XRCC5: variants seen among roughly 807,000 people sequenced by gnomAD.
XRCC5 encodes the protein DNA repair protein Ku80.
XRCC5 carries 12 observed loss-of-function variants against 95.7 expected under a neutral mutation model. The ratio of observed to expected loss-of-function variants is 0.13; its 90% confidence interval spans 0.08 to 0.20. The LOEUF (loss-of-function observed/expected upper bound fraction) is 0.20, where lower values mean the gene tolerates loss of function less well. Among genes scored for constraint, XRCC5 ranks in the 10% least tolerant of loss-of-function variants. XRCC5 has a pLI of 1.00. For synonymous variants in XRCC5, 281 were observed against 290.3 expected (o/e 0.97, Z 0.33); for missense variants, 595 against 873.9 (o/e 0.68, Z 4.02).
chr2:216,146,796 T>G (rs1207011612), intron 13 of XRCC5, among the ~76,000 whole-genome samples: 1 of 152,172 alleles, frequency 6.6e-6, no homozygotes, highest in African/African-American at 2.4e-5. Context: ...CTGGCCTTGA[T>G]CTTGGCGCCC....
chr2:216,184,768 G>A (rs1456534832), intron 16 of XRCC5, among the ~76,000 whole-genome samples: 6 of 152,148 alleles, frequency 3.9e-5, no homozygotes, highest in Admixed American at 1.3e-4. Flanking sequence ...GGCTTGAGCC[G>A]CTGGGCCCAG....
rs45465402 is a variant in XRCC5 at position 216,141,119 on chromosome 2, T to C, written c.1343-67T>C. ...CAATATTGCCGTGGATATCTCTACG[T>C]AGAAAGCATTTGTTTTAGTGGAGAA... On this transcript the variant is annotated intron_variant, in intron 12 of 20. Coordinates refer to ENST00000392132, the MANE Select transcript of XRCC5 (RefSeq NM_021141.4). The C allele has an allele frequency of 3.9e-3, 6,204 of 1,588,484 alleles. 25 individuals are homozygous for C. Among genetic ancestry groups the C allele is most frequent in the Non-Finnish European group, 4.7e-3 (5,463 of 1,161,582 alleles).
At chr2:216,189,682 C>T (rs1259098426) in intron 16 of XRCC5, among the ~76,000 whole-genome samples, 1 of 152,126 alleles carries the variant, frequency 6.6e-6, no homozygotes, top group Non-Finnish European at 1.5e-5. Context: ...ATTTCTCATT[C>T]GAAAGGGATA....
intron 8 of XRCC5, among the ~76,000 whole-genome samples, chr2:216,129,707 T>G (rs968531172): frequency 2.2e-4 from 34 of 152,246 alleles, no homozygotes; most frequent in African/African-American, 8.2e-4. Context: ...GGAGTCTTGC[T>G]CTGTCGCCCA....
At chr2:216,145,680 A>C (rs1023106938) in intron 13 of XRCC5, among the ~76,000 whole-genome samples, 1 of 152,114 alleles carries the variant, frequency 6.6e-6, no homozygotes, top group Non-Finnish European at 1.5e-5. Flanking sequence ...TATGAGAGGG[A>C]GGTTGGTACC....
chr2:216,199,808 A>ATTTTT (rs879564899), intron 19 of XRCC5, among the ~76,000 whole-genome samples: 31 of 121,888 alleles, frequency 2.5e-4, no homozygotes, highest in South Asian at 1.9e-3. Flanking sequence ...TGGCATTGGG[A>ATTTTT]TCTTTTTTTT....
intron 14 of XRCC5, 71 bp downstream of exon 14, chr2:216,148,347 G>A (rs571660027): frequency 1.3e-4 from 186 of 1,421,988 alleles, no homozygotes; most frequent in Middle Eastern, 1.0e-3. Flanking sequence ...AGTGGCTCTG[G>A]AAGTGTCACA....
Position 216,202,702 on chromosome 2 carries a change from C to T in XRCC5, c.2110-1620C>T, listed in dbSNP as rs41296799. On this transcript the variant is annotated intron_variant, in intron 19 of 20. Transcript: ENST00000392132. ...AATGTCCTTAAAAGAAGATAAATTC[C>T]TTATTCGCTCAGTCATAAAAGAAGT... Among the ~76,000 whole-genome samples, 730 of 152,126 alleles carry T rather than the reference C, an allele frequency of 4.8e-3. 5 individuals carry two copies. The highest frequency in any genetic ancestry group is 0.017 in the African/African-American group (693 of 41,548).
At chr2:216,203,188 T>C (rs1689873409) in intron 19 of XRCC5, among the ~76,000 whole-genome samples, 1 of 152,146 alleles carries the variant, frequency 6.6e-6, no homozygotes, top group African/African-American at 2.4e-5. Flanking sequence ...TCTCACCGCG[T>C]GCCTGCTCCA....
At chr2:216,121,480 T>C (rs1696809700) in intron 5 of XRCC5, among the ~76,000 whole-genome samples, 1 of 152,162 alleles carries the variant, frequency 6.6e-6, no homozygotes, top group Non-Finnish European at 1.5e-5. Context: ...TCATCCCATG[T>C]CAAAAGGGCT....
At chr2:216,171,310 C>T (rs79282638) in intron 16 of XRCC5, among the ~76,000 whole-genome samples, 4,568 of 152,208 alleles carry the variant, frequency 0.03, 219 homozygotes, top group African/African-American at 0.1. Context: ...CAGATCCATG[C>T]GTGTCTACAT....
chr2:216,195,537 T>C (rs1029885890), intron 19 of XRCC5, among the ~76,000 whole-genome samples: 1 of 151,428 alleles, frequency 6.6e-6, no homozygotes, highest in African/African-American at 2.4e-5. Context: ...ACCCCTCAGG[T>C]GATTGTATTG....
At chr2:216,131,720 C>T (rs560035087) in intron 9 of XRCC5, among the ~76,000 whole-genome samples, 2 of 152,284 alleles carry the variant, frequency 1.3e-5, no homozygotes, top group South Asian at 4.1e-4. Context: ...AACCACTTAG[C>T]TTTGTTTTTA....
chr2:216,195,994 A>G (rs1023018443), intron 19 of XRCC5, among the ~76,000 whole-genome samples: 1 of 152,150 alleles, frequency 6.6e-6, no homozygotes, highest in African/African-American at 2.4e-5. Context: ...AAATAACTAT[A>G]CACACTAAGG....
At chr2:216,158,154 C>G (rs1388546411) in intron 14 of XRCC5, among the ~76,000 whole-genome samples, 2 of 152,134 alleles carry the variant, frequency 1.3e-5, no homozygotes, top group Non-Finnish European at 2.9e-5. Context: ...TTCATATTCC[C>G]CCACAACTTA....
At chr2:216,163,291 T>G (rs1688988038) in intron 16 of XRCC5, among the ~76,000 whole-genome samples, 1 of 152,008 alleles carries the variant, frequency 6.6e-6, no homozygotes, top group African/African-American at 2.4e-5. Context: ...TAAGTCACCA[T>G]GCCTGGCCAA....
intron 13 of XRCC5, among the ~76,000 whole-genome samples, chr2:216,147,824 A>G (rs572461211): frequency 6.6e-6 from 1 of 152,330 alleles, no homozygotes; most frequent in East Asian, 1.9e-4. Context: ...TTTGATTTAT[A>G]AGGTGAGGCT....
chr2:216,187,987 G>A (rs527890733), intron 16 of XRCC5, among the ~76,000 whole-genome samples: 1 of 151,384 alleles, frequency 6.6e-6, no homozygotes, highest in East Asian at 1.9e-4. Flanking sequence ...AAGGAGCCAC[G>A]CTGTACCCCT....
rs1175761009 is a variant in XRCC5, at chr2:216,137,228, A to G, written c.1251+3A>G. ...CTCATATCAAGCATAACTATGAGGTAAAACCCAAAGTCTTAATGTTATTTT... is the reference window on the plus strand; with the variant it reads ...CTCATATCAAGCATAACTATGAGGTGAAACCCAAAGTCTTAATGTTATTTT... On this transcript the variant is annotated splice_donor_region_variant and intron_variant, in intron 11 of 20. Coordinates refer to ENST00000392132, the MANE Select transcript of XRCC5 (RefSeq NM_021141.4). 2 of 1,611,316 alleles carry G rather than the reference A, an allele frequency of 1.2e-6. No individual in the cohort carries two copies. Among genetic ancestry groups the G allele is most frequent in the Non-Finnish European group, 1.7e-6 (2 of 1,178,840 alleles).
Sources: allele counts gnomAD v4.1 joint callset (sites outside exome capture counted in the v4.1 genomes callset), GRCh38; gene constraint gnomAD v4.1.1; transcripts MANE v1.5; gene names NCBI Gene and HGNC (gene_info 2026-07-23, HGNC 2026-07-21).